Variants in SORCS1 observed in about 807,000 individuals in gnomAD.
The protein encoded by SORCS1 is VPS10 domain-containing receptor SorCS1.
In SORCS1, 60 loss-of-function variants were observed where a neutral mutation model predicts 146.1. The observed-to-expected ratio is 0.41, with a 90% CI of 0.33 to 0.51. SORCS1 has a LOEUF of 0.51. SORCS1 is among the 20% of genes least tolerant of loss of function. The pLI, the probability that SORCS1 is intolerant of heterozygous loss-of-function variation, is 0.21. For missense variants in SORCS1, 1,352 were observed against 1,487.6 expected (o/e 0.91, Z 1.50); for synonymous variants, 637 against 584.0 (o/e 1.09, Z -1.31).
chr10:106,758,801 C>G (rs1218241792), intron 5 of SORCS1, among the ~76,000 whole-genome samples: 1 of 152,150 alleles, frequency 6.6e-6, no homozygotes, highest in Non-Finnish European at 1.5e-5. Flanking sequence ...AGTTGAGATC[C>G]TGGAGAAAGA....
intron 1 of SORCS1, among the ~76,000 whole-genome samples, chr10:106,999,062 T>C (rs1957109786): frequency 6.6e-6 from 1 of 152,128 alleles, no homozygotes; most frequent in Non-Finnish European, 1.5e-5. Flanking sequence ...AGTACCACAT[T>C]TTGCCAAATG....
chr10:106,787,116 A>G (rs115663157), intron 3 of SORCS1, among the ~76,000 whole-genome samples: 1,578 of 152,324 alleles, frequency 0.01, 25 homozygotes, highest in African/African-American at 0.035. Context: ...TCTCTAATAA[A>G]AGAACCTATA....
At chr10:106,776,291 G>A (rs1860425497) in intron 4 of SORCS1, among the ~76,000 whole-genome samples, 1 of 152,138 alleles carries the variant, frequency 6.6e-6, no homozygotes, top group Non-Finnish European at 1.5e-5. Context: ...GCTGAGAACT[G>A]CTTCTCCACC....
At chr10:107,141,433 T>C (rs953677072) in intron 1 of SORCS1, among the ~76,000 whole-genome samples, 15 of 152,258 alleles carry the variant, frequency 9.9e-5, no homozygotes, top group African/African-American at 3.1e-4. Context: ...TGAGGAAGTA[T>C]GCAGTGAGCC....
intron 5 of SORCS1, among the ~76,000 whole-genome samples, chr10:106,744,911 T>A (rs1405327950): frequency 6.6e-6 from 1 of 152,168 alleles, no homozygotes; most frequent in Non-Finnish European, 1.5e-5. Context: ...CCCACCTCCA[T>A]GGTCAACCAA....
At chr10:106,885,647 A>G (rs1204769258) in intron 2 of SORCS1, among the ~76,000 whole-genome samples, 1 of 152,166 alleles carries the variant, frequency 6.6e-6, no homozygotes, top group African/African-American at 2.4e-5. Context: ...ATCTTCTAAT[A>G]TAGTGTAAGA....
intron 2 of SORCS1, among the ~76,000 whole-genome samples, chr10:106,886,827 G>A (rs1203351781): frequency 6.6e-6 from 1 of 152,200 alleles, no homozygotes; most frequent in Non-Finnish European, 1.5e-5. Flanking sequence ...AAATGTATTA[G>A]ACGATACAAA....
At position 106,675,134 on chromosome 10, in the gene SORCS1, A is replaced by G; in HGVS notation, c.1855T>C (p.Ser619Pro). Residue 619 changes from serine (S) to proline (P), a missense_variant, in exon 14 of 26, where the codon TCT becomes CCT. Ser to Pro is a moderately conservative substitution (Grantham distance 74, BLOSUM62 -1). Transcript: ENST00000263054. ...GATGTGAAACTGTATTTGCTCCAAGATCTCCCTTCATCAAAACTCAACCTA... is the reference window on the plus strand; with the variant it reads ...GATGTGAAACTGTATTTGCTCCAAGGTCTCCCTTCATCAAAACTCAACCTA... ...HLWLSFDEGR[S>P]WSKYSFTSIP... The G allele has an allele frequency of 6.2e-7, 1 of 1,613,650 alleles. No individual in the cohort carries two copies. The highest frequency in any genetic ancestry group is 8.5e-7 in the Non-Finnish European group (1 of 1,179,694).
chr10:107,017,413 T>C (rs1472329467), intron 1 of SORCS1, among the ~76,000 whole-genome samples: 1 of 152,108 alleles, frequency 6.6e-6, no homozygotes, highest in Non-Finnish European at 1.5e-5. Flanking sequence ...CACAAAATAA[T>C]AGTGTGTATA....
chr10:107,042,322 G>C (rs1164082741), intron 1 of SORCS1, among the ~76,000 whole-genome samples: 1 of 152,206 alleles, frequency 6.6e-6, no homozygotes, highest in East Asian at 1.9e-4. Flanking sequence ...ACACTGGCAG[G>C]AAAGGGCCTG....
chr10:106,994,246 T>C (rs1205242291), intron 1 of SORCS1, among the ~76,000 whole-genome samples: 2 of 151,988 alleles, frequency 1.3e-5, no homozygotes, highest in Non-Finnish European at 2.9e-5. Context: ...CAAAATTGAT[T>C]TTTGGGGGGT....
intron 18 of SORCS1, among the ~76,000 whole-genome samples, chr10:106,632,747 T>C (rs1019736987): frequency 6.6e-5 from 10 of 152,190 alleles, no homozygotes; most frequent in African/African-American, 2.2e-4. Flanking sequence ...AAAAAAATTA[T>C]TGCAGGGTGA....
At chr10:107,142,418 T>G (rs987256863) in intron 1 of SORCS1, among the ~76,000 whole-genome samples, 1 of 152,208 alleles carries the variant, frequency 6.6e-6, no homozygotes, top group Non-Finnish European at 1.5e-5. Flanking sequence ...ATCCTCTTCG[T>G]TAAATGACAC....
intron 2 of SORCS1, among the ~76,000 whole-genome samples, chr10:106,952,701 C>T (rs1045443676): frequency 1.3e-5 from 2 of 151,178 alleles, no homozygotes; most frequent in East Asian, 1.9e-4. Flanking sequence ...AATGACCAGG[C>T]GTGGTGGCTC....
chr10:106,943,351 C>G (rs1364348381), intron 2 of SORCS1, among the ~76,000 whole-genome samples: 1 of 152,138 alleles, frequency 6.6e-6, no homozygotes, highest in African/African-American at 2.4e-5. Context: ...TGCACACTCT[C>G]CCTAGGTTCC....
chr10:106,742,677 G>A (rs754462745), intron 5 of SORCS1, among the ~76,000 whole-genome samples: 5 of 152,150 alleles, frequency 3.3e-5, no homozygotes, highest in Non-Finnish European at 7.4e-5. Context: ...ACCACGCCTG[G>A]CCAATTTCAT....
chr10:106,797,802 A>G (rs1159939620), intron 3 of SORCS1, among the ~76,000 whole-genome samples: 1 of 152,192 alleles, frequency 6.6e-6, no homozygotes, highest in Non-Finnish European at 1.5e-5. Flanking sequence ...TGTGCAGTCC[A>G]GGTACCCAGG....
intron 6 of SORCS1, among the ~76,000 whole-genome samples, chr10:106,717,339 C>T (rs998721087): frequency 1.3e-5 from 2 of 152,202 alleles, no homozygotes; most frequent in African/African-American, 4.8e-5. Flanking sequence ...TAATTCCTAT[C>T]AGGATTCTAG....
At chr10:106,661,804 A>G (rs574352403) in intron 17 of SORCS1, among the ~76,000 whole-genome samples, 1 of 152,364 alleles carries the variant, frequency 6.6e-6, no homozygotes, top group Admixed American at 6.5e-5. Context: ...CACCGAACAA[A>G]ACATCCCCAA....
Sources: allele counts gnomAD v4.1 joint callset (sites outside exome capture counted in the v4.1 genomes callset), GRCh38; gene constraint gnomAD v4.1.1; transcripts MANE v1.5; gene names NCBI Gene and HGNC (gene_info 2026-07-23, HGNC 2026-07-21).